The following SLC4A10 variants were observed in gnomAD, a reference collection of about 807,000 sequenced individuals.
SLC4A10 encodes the protein sodium-driven chloride bicarbonate exchanger.
In SLC4A10, 42 loss-of-function variants were observed where a neutral mutation model predicts 137.7. The observed-to-expected ratio is 0.30, with a 90% CI of 0.24 to 0.39. The LOEUF is 0.39. Among genes scored for constraint, SLC4A10 ranks in the 10% least tolerant of loss-of-function variants. The pLI, the probability that SLC4A10 is intolerant of heterozygous loss-of-function variation, is 1.00. For synonymous variants in SLC4A10, 474 were observed against 464.1 expected, an observed-to-expected ratio of 1.02 and a Z score of -0.27; for missense variants, 925 against 1,355.0, an observed-to-expected ratio of 0.68 and a Z score of 4.98.
rs1439316076 is a variant in SLC4A10, at chr2:161,666,082, A to C, written c.48+41516A>C. Among the ~76,000 whole-genome samples, 3 of 151,308 alleles carry C rather than the reference A, an allele frequency of 2.0e-5. No homozygotes were observed. In the East Asian group the frequency reaches 5.8e-4, roughly 29 times the overall value. On this transcript the variant is annotated intron_variant, in intron 1 of 26. Transcript: ENST00000446997. ...GAACATATATATTCTCAGGTATTTA[A>C]ATTTTTAATGTTAAAAAACCCAAAA...
intron 1 of SLC4A10, among the ~76,000 whole-genome samples, chr2:161,717,983 T>C (rs1201276439): frequency 6.6e-6 from 1 of 151,664 alleles, no homozygotes; most frequent in African/African-American, 2.4e-5. Flanking sequence ...TTATTGGTTA[T>C]TGGTTATTGA....
chr2:161,727,864 G>T (rs149053347), intron 1 of SLC4A10, among the ~76,000 whole-genome samples: 1 of 151,908 alleles, frequency 6.6e-6, no homozygotes, highest in African/African-American at 2.4e-5. Context: ...CAAAAGGACC[G>T]GTGTATGATT....
At chr2:161,959,134 G>A (rs1696171034) in intron 21 of SLC4A10, among the ~76,000 whole-genome samples, 2 of 152,208 alleles carry the variant, frequency 1.3e-5, no homozygotes, top group Admixed American at 1.3e-4. Context: ...GCTGGGTTGT[G>A]AAGGAAGGTG....
chr2:161,955,465 A>C (rs954742314), intron 19 of SLC4A10, among the ~76,000 whole-genome samples: 1 of 152,198 alleles, frequency 6.6e-6, no homozygotes, highest in African/African-American at 2.4e-5. Context: ...ATTGAGTTAG[A>C]TATTTTGGTA....
intron 1 of SLC4A10, among the ~76,000 whole-genome samples, chr2:161,731,415 A>C (rs570727981): frequency 6.6e-6 from 1 of 152,302 alleles, no homozygotes; most frequent in South Asian, 2.1e-4. Flanking sequence ...CATGTTATTT[A>C]GTGCTCTTTA....
At chr2:161,879,546 C>CTTT (rs71408189) in intron 9 of SLC4A10, among the ~76,000 whole-genome samples, 5 of 125,054 alleles carry the variant, frequency 4.0e-5, no homozygotes, top group African/African-American at 6.0e-5. Flanking sequence ...CATATGAATC[C>CTTT]TTTTTTTTTT....
At chr2:161,654,901 T>C (rs756647285) in intron 1 of SLC4A10, among the ~76,000 whole-genome samples, 2 of 152,288 alleles carry the variant, frequency 1.3e-5, no homozygotes, top group Non-Finnish European at 1.5e-5. Flanking sequence ...TGTTTTTCTA[T>C]TTGTAAAAAA....
chr2:161,688,214 A>G (rs2041634808), intron 1 of SLC4A10, among the ~76,000 whole-genome samples: 2 of 152,188 alleles, frequency 1.3e-5, no homozygotes, highest in South Asian at 2.1e-4. Context: ...TTCATTCTCT[A>G]TTATGTCTAG....
At chr2:161,949,600 G>T (rs971685470) in intron 18 of SLC4A10, among the ~76,000 whole-genome samples, 1 of 151,954 alleles carries the variant, frequency 6.6e-6, no homozygotes, top group African/African-American at 2.4e-5. Context: ...AGTGAATAAG[G>T]CTTGGAAAAC....
intron 3 of SLC4A10, among the ~76,000 whole-genome samples, chr2:161,831,668 A>T (rs961536258): frequency 8.5e-5 from 13 of 152,218 alleles, no homozygotes; most frequent in African/African-American, 2.4e-4. Flanking sequence ...TGTACAAAAT[A>T]TAATGAAAAA....
chr2:161,800,401 T>C (rs915363796), intron 2 of SLC4A10, among the ~76,000 whole-genome samples: 1 of 152,040 alleles, frequency 6.6e-6, no homozygotes, highest in Non-Finnish European at 1.5e-5. Flanking sequence ...TGGATATTTA[T>C]TGAGCACCAA....
intron 4 of SLC4A10, among the ~76,000 whole-genome samples, chr2:161,846,163 G>A (rs1025690421): frequency 2.6e-5 from 4 of 151,962 alleles, no homozygotes; most frequent in African/African-American, 7.2e-5. Context: ...TGGGCAAAAG[G>A]CACAAACAGA....
intron 1 of SLC4A10, among the ~76,000 whole-genome samples, chr2:161,650,438 G>C (rs1463126057): frequency 6.6e-6 from 1 of 152,264 alleles, no homozygotes; most frequent in Non-Finnish European, 1.5e-5. Flanking sequence ...TGTGTGCTTG[G>C]TCATGGAGCC....
chr2:161,673,778 T>G (rs1003175425), intron 1 of SLC4A10, among the ~76,000 whole-genome samples: 1 of 152,124 alleles, frequency 6.6e-6, no homozygotes, highest in African/African-American at 2.4e-5. Flanking sequence ...TCACTTGAGG[T>G]CAGGAGTTCA....
At chr2:161,690,679 T>C (rs1437858480) in intron 1 of SLC4A10, among the ~76,000 whole-genome samples, 2 of 152,016 alleles carry the variant, frequency 1.3e-5, no homozygotes, top group Non-Finnish European at 2.9e-5. Flanking sequence ...CTCATTAAAC[T>C]AAAACAGGAG....
At chr2:161,942,353 C>T (rs1251485999) in intron 15 of SLC4A10, among the ~76,000 whole-genome samples, 1 of 152,148 alleles carries the variant, frequency 6.6e-6, no homozygotes, top group Non-Finnish European at 1.5e-5. Flanking sequence ...CTTCTTCTCA[C>T]TGATATATCC....
rs750551539 is a variant in SLC4A10, at chr2:161,901,031, A to G, written c.1442+20A>G. 3.3e-6 allele frequency: 5 copies of G among 1,519,212 alleles called. No individual in the cohort carries two copies. The South Asian group carries it at 3.6e-5, about 11-fold the overall frequency. 94.1% of individuals were successfully genotyped at this position (1,519,212 alleles called of 1,614,324 possible). ...TGGAAGGTTAGTGAAAATCACTTCTATGGGACTTCAAGGACCAAATGACAT... is the reference window on the plus strand; with the variant it reads ...TGGAAGGTTAGTGAAAATCACTTCTGTGGGACTTCAAGGACCAAATGACAT... On this transcript the variant is annotated intron_variant, in intron 12 of 26. Transcript: ENST00000446997.
chr2:161,702,777 A>G (rs1279619436), intron 1 of SLC4A10, among the ~76,000 whole-genome samples: 3 of 151,828 alleles, frequency 2.0e-5, no homozygotes, highest in Non-Finnish European at 4.4e-5. Flanking sequence ...CTATTCAAAG[A>G]GTTGTTTTGC....
Position 161,800,906 on chromosome 2 carries a change from C to T in SLC4A10, c.131-3543C>T, listed in dbSNP as rs181153316. ...TCGCAGGAACAAGAATGACACCTTTCCATCTTGCATAAGAACTGTGGGAGA... is the reference window on the plus strand; with the variant it reads ...TCGCAGGAACAAGAATGACACCTTTTCATCTTGCATAAGAACTGTGGGAGA... On this transcript the variant is annotated intron_variant, in intron 2 of 26. Coordinates refer to ENST00000446997, the MANE Select transcript of SLC4A10 (RefSeq NM_001178015.2). Among the ~76,000 whole-genome samples, 645 of 152,146 alleles carry T rather than the reference C, an allele frequency of 4.2e-3. 3 individuals carry two copies. The highest frequency in any genetic ancestry group is 7.7e-3 in the Non-Finnish European group (524 of 67,962).
Sources: gnomAD v4.1 joint callset for allele counts (sites outside exome capture counted in the v4.1 genomes callset) on GRCh38, gnomAD v4.1.1 for gene constraint, MANE v1.5 for transcripts, NCBI Gene and HGNC (gene_info 2026-07-23, HGNC 2026-07-21) for gene names.